Variants in NPLOC4 observed in about 807,000 individuals in gnomAD.
NPLOC4 encodes the protein NPL4 homolog, ubiquitin recognition factor.
NPLOC4 carries 18 observed loss-of-function variants against 80.6 expected under a neutral mutation model. That is an observed-to-expected ratio of 0.22 (90% CI 0.15 to 0.33). The LOEUF (loss-of-function observed/expected upper bound fraction) is 0.33. Ranked by LOEUF, NPLOC4 falls within the 10% of genes least tolerant of loss-of-function variation. NPLOC4 has a pLI of 1.00. For synonymous variants in NPLOC4, 313 were observed against 301.5 expected (o/e 1.04, Z -0.39); for missense variants, 540 against 786.1 (o/e 0.69, Z 3.74).
intron 1 of NPLOC4, among the ~76,000 whole-genome samples, chr17:81,631,618 G>A (rs1296406615): frequency 6.6e-6 from 1 of 151,828 alleles, no homozygotes; most frequent in African/African-American, 2.4e-5. Flanking sequence ...TTTAGACAAG[G>A]AGGATGACAT....
At chr17:81,571,905 A>AG in intron 13 of NPLOC4, 112 bp downstream of exon 13, 1 of 650,174 alleles carries the variant, frequency 1.5e-6, no homozygotes, top group Non-Finnish European at 2.5e-6. Flanking sequence ...TGCTCAAGGC[A>AG]GAGGGTGCCT....
intron 7 of NPLOC4, among the ~76,000 whole-genome samples, chr17:81,605,388 T>C (rs1474480115): frequency 1.3e-5 from 2 of 152,116 alleles, no homozygotes; most frequent in Admixed American, 6.6e-5. Flanking sequence ...GGCTCATGCC[T>C]GTAATCCCAG....
At chr17:81,594,274 C>CAAAAAAAAAAAAAAAAAAAA (rs869281063) in intron 11 of NPLOC4, among the ~76,000 whole-genome samples, 1 of 53,666 alleles carries the variant, frequency 1.9e-5, no homozygotes, top group Non-Finnish European at 2.9e-5. Flanking sequence ...GACTCCGTCT[C>CAAAAAAAAAAAAAAAAAAAA]AAAAAAAAAA....
intron 1 of NPLOC4, 119 bp downstream of exon 1, chr17:81,636,797 G>T: frequency 9.1e-7 from 1 of 1,103,124 alleles, no homozygotes; most frequent in South Asian, 3.0e-5. Flanking sequence ...AAGCCCTGGC[G>T]AGAGAAGAGA....
intron 1 of NPLOC4, among the ~76,000 whole-genome samples, chr17:81,636,665 A>G (rs1167684113): frequency 6.6e-6 from 1 of 152,124 alleles, no homozygotes; most frequent in Non-Finnish European, 1.5e-5. Context: ...CTGCTTAGAA[A>G]GGCTCGGCCT....
chr17:81,631,436 ATTTTTT>A (rs70938164), intron 1 of NPLOC4, among the ~76,000 whole-genome samples: 4,583 of 117,008 alleles, frequency 0.039, 167 homozygotes, highest in East Asian at 0.051. Flanking sequence ...ATATATATAT[ATTTTTT>A]TTTTTTTTTT....
At chr17:81,560,046 G>A (rs188629004) in intron 16 of NPLOC4, among the ~76,000 whole-genome samples, 58 of 152,000 alleles carry the variant, frequency 3.8e-4, no homozygotes, top group Admixed American at 3.3e-3. Context: ...CCAGTTTTGA[G>A]CTAATATGAA....
chr17:81,596,770 G>A (rs570163971), intron 10 of NPLOC4, among the ~76,000 whole-genome samples: 8 of 152,276 alleles, frequency 5.3e-5, no homozygotes, highest in East Asian at 3.9e-4. Flanking sequence ...TTAGCTCTAT[G>A]AGACCAAGAG....
chr17:81,589,152 A>G, intron 11 of NPLOC4, 48 bp from the exon 12 acceptor site: 2 of 1,529,358 alleles, frequency 1.3e-6, no homozygotes, highest in East Asian at 2.3e-5. Context: ...GGCATTCAAA[A>G]CCAGTCCATA....
Position 81,559,096 on chromosome 17 carries a change from C to G in NPLOC4, c.*163G>C. 1 of 734,234 alleles carries G rather than the reference C, an allele frequency of 1.4e-6. No homozygotes were observed. Among genetic ancestry groups the G allele is most frequent in the Non-Finnish European group, 2.2e-6 (1 of 464,428 alleles). The allele number at this position is 734,234 out of a possible 1,614,324, so 45.5% of individuals were successfully genotyped here. A position where few individuals can be genotyped will look rare whatever the true frequency, so the allele number is the denominator to read the frequency against. ...GTGGCGCCCGCTCTCCAGGGAGGAACGTGCTGAGAAGCTTCAGTGGGTCAG... is the reference window on the plus strand; with the variant it reads ...GTGGCGCCCGCTCTCCAGGGAGGAAGGTGCTGAGAAGCTTCAGTGGGTCAG... On this transcript the variant is annotated 3_prime_UTR_variant, in exon 17 of 17. Transcript: ENST00000331134.
intron 1 of NPLOC4, among the ~76,000 whole-genome samples, chr17:81,631,363 A>C (rs919103470): frequency 4.0e-5 from 6 of 149,774 alleles, no homozygotes; most frequent in Admixed American, 6.7e-5. Context: ...TGGCCAACAC[A>C]GCGAGACCCC....
chr17:81,581,945 C>T (rs1318130720), intron 12 of NPLOC4, among the ~76,000 whole-genome samples: 2 of 152,216 alleles, frequency 1.3e-5, no homozygotes, highest in African/African-American at 4.8e-5. Flanking sequence ...CCCAGACCAT[C>T]TCAAAATGTC....
intron 12 of NPLOC4, among the ~76,000 whole-genome samples, chr17:81,582,250 G>A (rs1046394716): frequency 2.6e-5 from 4 of 152,218 alleles, no homozygotes; most frequent in Non-Finnish European, 5.9e-5. Context: ...GTGGCATGAC[G>A]GGCATGAAAG....
intron 11 of NPLOC4, among the ~76,000 whole-genome samples, chr17:81,594,760 G>A (rs762812982): frequency 3.5e-4 from 53 of 151,594 alleles, no homozygotes; most frequent in Admixed American, 5.3e-4. Flanking sequence ...GGGCGAGAGC[G>A]AGACTCCGTC....
At chr17:81,604,513 C>T in intron 8 of NPLOC4, 35 bp downstream of exon 8, 1 of 1,598,558 alleles carries the variant, frequency 6.3e-7, no homozygotes, top group South Asian at 1.1e-5. Flanking sequence ...CCTCCAAACA[C>T]AGAAACTCAG....
rs75753772 is a variant in NPLOC4 at position 81,606,487 on chromosome 17, G to A, written c.654+204C>T. 7.7e-3 allele frequency among the ~76,000 whole-genome samples: 1,168 copies of A among 152,208 alleles called. 8 individuals are homozygous for A. Among genetic ancestry groups the A allele is most frequent in the African/African-American group, 0.027 (1,113 of 41,528 alleles). ...GCCAGCAAAACAGAGAACTGAGGGC[G>A]CGCACTCCATATCTCCAAGAGCAAG... On this transcript the variant is annotated intron_variant, in intron 7 of 16. Transcript: ENST00000331134.
chr17:81,620,763 A>AG, intron 3 of NPLOC4, among the ~76,000 whole-genome samples: 1 of 152,310 alleles, frequency 6.6e-6, no homozygotes, highest in South Asian at 2.1e-4. Context: ...GTGAGCTGAG[A>AG]GTTCCTCTGG....
rs550800785 is a variant in NPLOC4 at position 81,580,398 on chromosome 17, G to C, written c.1282-8310C>G. Reference sequence around the variant, plus strand: ...TACCCTAGTCTCCTTTTCCAGCTCCGAGCCCAGCAGCCAGAGTGATCGTCT... The same window carrying C: ...TACCCTAGTCTCCTTTTCCAGCTCCCAGCCCAGCAGCCAGAGTGATCGTCT... On this transcript the variant is annotated intron_variant, in intron 12 of 16. Transcript: ENST00000331134. The surrounding 1 kb of genome is among the most constrained non-coding windows in gnomAD (Gnocchi z 4.4). 6.6e-6 allele frequency among the ~76,000 whole-genome samples: 1 copy of C among 151,950 alleles called. No homozygotes were observed. Among genetic ancestry groups the C allele is most frequent in the African/African-American group, 2.4e-5 (1 of 41,344 alleles).
chr17:81,626,265 A>G (rs2144316994), intron 2 of NPLOC4, among the ~76,000 whole-genome samples: 1 of 151,704 alleles, frequency 6.6e-6, no homozygotes, highest in East Asian at 1.9e-4. Flanking sequence ...GCAGTCAGCC[A>G]AGATCGCGCC....
Sources: gnomAD v4.1 joint callset for allele counts (sites outside exome capture counted in the v4.1 genomes callset) on GRCh38, gnomAD v4.1.1 for gene constraint, Gnocchi (gnomAD v3.1) non-coding constraint, MANE v1.5 for transcripts, NCBI Gene and HGNC (gene_info 2026-07-23, HGNC 2026-07-21) for gene names.